Variants in IGFBP7 observed in about 807,000 individuals in gnomAD.
The protein encoded by IGFBP7 is insulin like growth factor binding protein 7.
A neutral mutation model predicts 29.4 loss-of-function variants in IGFBP7; 31 were observed. The observed-to-expected ratio is 1.05, with a 90% CI of 0.79 to 1.42. IGFBP7 has a LOEUF of 1.42. Among genes scored for constraint, IGFBP7 ranks in the 40% most tolerant of loss-of-function variants. The pLI is 0.00. For synonymous variants in IGFBP7, 172 were observed against 174.9 expected, an observed-to-expected ratio of 0.98 and a Z score of 0.13; for missense variants, 393 against 395.5, an observed-to-expected ratio of 0.99 and a Z score of 0.05.
At chr4:57,049,457 C>A (rs1724446966) in intron 1 of IGFBP7, among the ~76,000 whole-genome samples, 1 of 152,196 alleles carries the variant, frequency 6.6e-6, no homozygotes, top group Non-Finnish European at 1.5e-5. Flanking sequence ...GCTCACCCAC[C>A]ATTACATGTT....
intron 1 of IGFBP7, among the ~76,000 whole-genome samples, chr4:57,084,977 C>G (rs763591843): frequency 1.3e-5 from 2 of 151,626 alleles, no homozygotes; most frequent in Non-Finnish European, 2.9e-5. Context: ...AAAATGGATA[C>G]AGGGTCTCAC....
At chr4:57,088,786 TGG>T (rs1725561617) in intron 1 of IGFBP7, among the ~76,000 whole-genome samples, 5 of 152,026 alleles carry the variant, frequency 3.3e-5, no homozygotes, top group Admixed American at 3.3e-4. Flanking sequence ...CCCAGCATTT[TGG>T]GAGGTCAAGG....
chr4:57,073,020 A>G (rs1614526), intron 1 of IGFBP7: 564,977 of 1,105,168 alleles, frequency 0.51, 150,037 homozygotes, highest in Admixed American at 0.62. Context: ...GGCAAACCCA[A>G]CATTGATAGC....
intron 1 of IGFBP7, among the ~76,000 whole-genome samples, chr4:57,098,740 G>T (rs1725824779): frequency 2.0e-5 from 3 of 152,322 alleles, no homozygotes; most frequent in South Asian, 4.1e-4. Context: ...AGAGAGCACT[G>T]CTGCACAAGC....
At chr4:57,076,352 A>G (rs1725226676) in intron 1 of IGFBP7, among the ~76,000 whole-genome samples, 1 of 152,184 alleles carries the variant, frequency 6.6e-6, no homozygotes. Flanking sequence ...TTCTTGCTCA[A>G]AGCACAAACA....
chr4:57,103,642 C>CTTTTTT (rs1245543313), intron 1 of IGFBP7, among the ~76,000 whole-genome samples: 6 of 84,176 alleles, frequency 7.1e-5, no homozygotes, highest in Admixed American at 1.4e-4. Flanking sequence ...TAGAACTTTT[C>CTTTTTT]TTTTTTTTTT....
intron 1 of IGFBP7, among the ~76,000 whole-genome samples, chr4:57,050,937 A>G (rs1404941769): frequency 6.6e-6 from 1 of 152,126 alleles, no homozygotes; most frequent in Non-Finnish European, 1.5e-5. Flanking sequence ...TGCAAACAAC[A>G]CTCACCTTGA....
At chr4:57,098,308 CTTT>C (rs1385678826) in intron 1 of IGFBP7, among the ~76,000 whole-genome samples, 1 of 152,152 alleles carries the variant, frequency 6.6e-6, no homozygotes, top group East Asian at 1.9e-4. Flanking sequence ...AATCTCACTT[CTTT>C]GAGTTCAGTC....
chr4:57,044,461 C>A (rs1724310699), intron 1 of IGFBP7, among the ~76,000 whole-genome samples: 1 of 152,188 alleles, frequency 6.6e-6, no homozygotes, highest in Admixed American at 6.5e-5. Flanking sequence ...CTCCTGTTTT[C>A]TTCTACAAGC....
At chr4:57,064,349 A>AAAAC (rs201260019) in intron 1 of IGFBP7, among the ~76,000 whole-genome samples, 2 of 152,212 alleles carry the variant, frequency 1.3e-5, no homozygotes, top group African/African-American at 4.8e-5. Context: ...TGGGTGACTA[A>AAAAC]AAACAAACAA....
rs147678046 is a variant in IGFBP7 at position 57,038,252 on chromosome 4, G to C, written c.585+2572C>G. On this transcript the variant is annotated intron_variant, in intron 2 of 4. Coordinates refer to ENST00000295666, the MANE Select transcript of IGFBP7 (RefSeq NM_001553.3). ...CCCTTCGTGGGATTTTCACAATGCAGCAGGGAGAAGGGAAGCCCTTTCTTT... is the reference window on the plus strand; with the variant it reads ...CCCTTCGTGGGATTTTCACAATGCACCAGGGAGAAGGGAAGCCCTTTCTTT... Among the ~76,000 whole-genome samples the C allele has an allele frequency of 2.9e-3, 439 of 152,358 alleles. 3 individuals are homozygous for C. Among genetic ancestry groups the C allele is most frequent in the African/African-American group, 0.01 (417 of 41,582 alleles).
At chr4:57,032,678 G>C in intron 3 of IGFBP7, 126 bp from the exon 4 acceptor site, 2 of 781,218 alleles carry the variant, frequency 2.6e-6, no homozygotes, top group Non-Finnish European at 4.5e-6. Context: ...GGTACTGCTA[G>C]AAGCAGTGCA....
intron 1 of IGFBP7, among the ~76,000 whole-genome samples, chr4:57,045,454 T>C (rs1002844057): frequency 3.3e-5 from 5 of 152,200 alleles, no homozygotes; most frequent in Admixed American, 6.5e-5. Context: ...GAACGGCCTT[T>C]TGGTTTTGAG....
At position 57,047,160 on chromosome 4, in the gene IGFBP7, G is replaced by A. The variant is rs557879387; in HGVS notation, c.476-6227C>T. On this transcript the variant is annotated intron_variant, in intron 1 of 4. Transcript: ENST00000295666. Reference sequence around the variant, plus strand: ...CCATGTGTCATGGGTTGGGGGGTACGCGGTGGAAGGTAATTGAATCATGGG... The same window carrying A: ...CCATGTGTCATGGGTTGGGGGGTACACGGTGGAAGGTAATTGAATCATGGG... Among the ~76,000 whole-genome samples, 22 of 152,284 alleles carry A rather than the reference G, an allele frequency of 1.4e-4. No homozygotes were observed. In the South Asian group the frequency reaches 2.7e-3, roughly 19 times the overall value.
intron 1 of IGFBP7, among the ~76,000 whole-genome samples, chr4:57,052,783 C>T (rs563484323): frequency 1.3e-5 from 2 of 152,276 alleles, no homozygotes; most frequent in East Asian, 3.9e-4. Flanking sequence ...TAATAAGACA[C>T]CTCGTTTTGG....
intron 1 of IGFBP7, among the ~76,000 whole-genome samples, chr4:57,053,185 T>A (rs559640195): frequency 6.6e-6 from 1 of 152,144 alleles, no homozygotes; most frequent in African/African-American, 2.4e-5. Flanking sequence ...CCTGGCTAAT[T>A]TTTGTAATTT....
chr4:57,088,500 T>A (rs13141288), intron 1 of IGFBP7, among the ~76,000 whole-genome samples: 16,221 of 152,098 alleles, frequency 0.11, 956 homozygotes, highest in African/African-American at 0.14. Flanking sequence ...CCATCTCTAG[T>A]TATCCCTCCA....
At chr4:57,077,285 A>G (rs1725251095) in intron 1 of IGFBP7, among the ~76,000 whole-genome samples, 2 of 152,226 alleles carry the variant, frequency 1.3e-5, no homozygotes, top group East Asian at 1.9e-4. Context: ...ATATTTATTT[A>G]TTTATTGAGA....
At chr4:57,083,353 G>A (rs1725418820) in intron 1 of IGFBP7, among the ~76,000 whole-genome samples, 1 of 152,134 alleles carries the variant, frequency 6.6e-6, no homozygotes, top group African/African-American at 2.4e-5. Context: ...AGCTGAACGG[G>A]GAAACATTGT....
Sources: gnomAD v4.1 joint callset for allele counts (sites outside exome capture counted in the v4.1 genomes callset) on GRCh38, gnomAD v4.1.1 for gene constraint, MANE v1.5 for transcripts, NCBI Gene and HGNC (gene_info 2026-07-23, HGNC 2026-07-21) for gene names.